ADPRHL1: variants seen among roughly 807,000 people sequenced by gnomAD.
The protein encoded by ADPRHL1 is ADP-ribosylhydrolase like 1.
Under a neutral mutation model 44.1 loss-of-function variants are expected in ADPRHL1, and 43 were observed. The observed-to-expected ratio is 0.98, with a 90% CI of 0.76 to 1.26. ADPRHL1 has a LOEUF of 1.26. ADPRHL1 is among the 50% of genes most tolerant of loss of function. The probability of loss-of-function intolerance (pLI) is 0.00; values close to 1 mark genes in which losing one functional copy is unlikely to be tolerated. For synonymous variants in ADPRHL1, 878 were observed against 1,017.4 expected (o/e 0.86, Z 2.61); for missense variants, 2,022 against 2,496.9 (o/e 0.81, Z 4.05).
At position 113,453,296 on chromosome 13, in the gene ADPRHL1, G is replaced by A. The variant is rs2044190206; in HGVS notation, c.142C>T (p.Leu48Phe). The part of the protein sequence containing the change: ...QRSGGLDHLV[L>F]SPGEWPVSDN... ...CTCACGGGCCATTCTCCTGGCGAGA[G>A]TACGAGGTGGTCCAGGCCCCCGGAA... The change falls in exon 1 of 8, where the codon CTC (leucine) becomes TTC (phenylalanine). Residue 48 changes from leucine to phenylalanine, a missense_variant. This residue lies in a region of ADPRHL1 where 437 missense variants were observed against 430.7 expected (regional missense o/e 1.01). Transcript: ENST00000612156. The surrounding 1 kb of genome is among the most constrained non-coding windows in gnomAD (Gnocchi z 5.4). 4 of 1,614,086 alleles carry A rather than the reference G, an allele frequency of 2.5e-6. No homozygotes were observed. The highest frequency in any genetic ancestry group is 3.4e-6 in the Non-Finnish European group (4 of 1,180,050).
At chr13:113,430,207 G>A (rs577215950) in intron 3 of ADPRHL1, among the ~76,000 whole-genome samples, 1 of 152,326 alleles carries the variant, frequency 6.6e-6, no homozygotes, top group African/African-American at 2.4e-5. Context: ...TCAGAGAGGA[G>A]CTCGGAAGAG....
chr13:113,445,214 G>A (rs2044128373), intron 1 of ADPRHL1, among the ~76,000 whole-genome samples: 1 of 152,248 alleles, frequency 6.6e-6, no homozygotes, highest in African/African-American at 2.4e-5. Context: ...CAGCACGCGG[G>A]AGGCCCAGAC....
chr13:113,404,181 G>A lies in ADPRHL1; in HGVS notation c.5101C>T (p.Arg1701Trp), dbSNP rs1399345250. The A allele has an allele frequency of 1.8e-4, 160 of 900,518 alleles. 14 individuals are homozygous for A. In the East Asian group the frequency reaches 3.5e-3, roughly 20 times the overall value. 55.8% of individuals were successfully genotyped at this position (900,518 alleles called of 1,614,324 possible). Residue 1701 changes from arginine to tryptophan, a missense_variant, in exon 8 of 8, where the codon CGG (arginine) becomes TGG (tryptophan). By Grantham distance (101) the Arg-to-Trp change is moderately radical. Around this residue, in one of 8 missense-constraint regions of ADPRHL1, gnomAD observed 24 missense variants for 80.7 expected, o/e 0.30. Coordinates refer to ENST00000612156, the MANE Select transcript of ADPRHL1 (RefSeq NM_001394807.1). Reference sequence around the variant, plus strand: ...TGAGCCCCTTTCTGGGCCTGTTCCCGAGCCCGTTCCTGAGCCCCTTTCTGG... The same window carrying A: ...TGAGCCCCTTTCTGGGCCTGTTCCCAAGCCCGTTCCTGAGCCCCTTTCTGG... ...QAQKGAQERA[R>W]EQAQKGAQER...
At chr13:113,416,159 T>G (rs2043886558) in intron 7 of ADPRHL1, among the ~76,000 whole-genome samples, 1 of 151,548 alleles carries the variant, frequency 6.6e-6, no homozygotes, top group Middle Eastern at 3.2e-3. Flanking sequence ...TCCCTGTTGA[T>G]TTTTTGTAAC....
intron 5 of ADPRHL1, among the ~76,000 whole-genome samples, chr13:113,424,802 ACCCACCCATGCACCCATCCATTCACCTG>A (rs2043954766): frequency 8.4e-5 from 1 of 11,952 alleles, no homozygotes; most frequent in Non-Finnish European, 1.5e-4. Flanking sequence ...ATACCCACCC[ACCCACCCATGCACCCATCCATTCACCTG>A]TCCACCCATC....
In ADPRHL1 at chr13:113,409,585, T is replaced by C. The variant is rs2043836193; in HGVS notation, c.1062-1365A>G. The C allele has an allele frequency of 2.0e-6, 2 of 985,218 alleles. No individual in the cohort carries two copies. Among genetic ancestry groups the C allele is most frequent in the African/African-American group, 1.7e-5 (1 of 57,204 alleles). 61.0% of individuals were successfully genotyped at this position (985,218 alleles called of 1,614,324 possible). A position where few individuals can be genotyped will look rare whatever the true frequency, so the allele number is the denominator to read the frequency against. ...AAGTGAAAAGCTCACTCTAACCCGA[T>C]TGTTTTTAAGAAGCTGAGGCCGGGC... On this transcript the variant is annotated intron_variant, in intron 7 of 7. Transcript: ENST00000612156. The surrounding 1 kb of genome is among the most constrained non-coding windows in gnomAD (Gnocchi z 4.2).
rs2043807268 is a variant in ADPRHL1 at position 113,406,196 on chromosome 13, G to T, written c.3086C>A (p.Ser1029Tyr). The T allele has an allele frequency of 4.9e-6, 6 of 1,232,070 alleles. No individual in the cohort carries two copies. Among genetic ancestry groups the T allele is most frequent in the Non-Finnish European group, 6.1e-6 (6 of 988,026 alleles). The allele number at this position is 1,232,070 out of a possible 1,614,324, so 76.3% of individuals were successfully genotyped here. A position where few individuals can be genotyped will look rare whatever the true frequency, so the allele number is the denominator to read the frequency against. ...TCCTGTTGGGTTTCTCCCAGTCGGG[G>T]ACGGCACTTGCTGGCTGCTGGAGGC... Reference protein sequence around the residue: ...SHASSSQQVPSPTGRNPTGAP... With the variant: ...SHASSSQQVPYPTGRNPTGAP... The change falls in exon 8 of 8, where the codon TCC becomes TAC. Residue 1029 changes from serine to tyrosine, a missense_variant. Ser to Tyr is a moderately radical substitution (Grantham distance 144, BLOSUM62 -2). Around this residue, in one of 8 missense-constraint regions of ADPRHL1, gnomAD observed 1,221 missense variants for 1,517.8 expected, o/e 0.80. Coordinates refer to ENST00000612156, the MANE Select transcript of ADPRHL1 (RefSeq NM_001394807.1).
chr13:113,410,773 C>A (rs112173972), intron 7 of ADPRHL1, among the ~76,000 whole-genome samples: 1 of 152,220 alleles, frequency 6.6e-6, no homozygotes, highest in Non-Finnish European at 1.5e-5. Flanking sequence ...AGGAGCAGGC[C>A]GACCTCGGGG....
chr13:113,434,551 C>A (rs1179636705), intron 2 of ADPRHL1, among the ~76,000 whole-genome samples: 1 of 147,262 alleles, frequency 6.8e-6, no homozygotes. Context: ...ACCCCGGGAC[C>A]CGGCACCCAG....
intron 2 of ADPRHL1, 69 bp downstream of exon 2, chr13:113,444,356 G>A: frequency 1.3e-6 from 2 of 1,556,272 alleles, no homozygotes; most frequent in Non-Finnish European, 1.7e-6. Context: ...GTTAGTGGAA[G>A]GCAGATGGTT....
intron 2 of ADPRHL1, among the ~76,000 whole-genome samples, chr13:113,438,327 G>A (rs974382422): frequency 6.6e-6 from 1 of 152,208 alleles, no homozygotes; most frequent in Non-Finnish European, 1.5e-5. Context: ...GGAAGATGGT[G>A]AGCATGATTT....
rs2043803919 is a variant in ADPRHL1, at chr13:113,405,785, G to C, written c.3497C>G (p.Pro1166Arg). The change falls in exon 8 of 8, where the codon CCT becomes CGT. Residue 1166 changes from proline to arginine, a missense_variant. By Grantham distance (103) the Pro-to-Arg change is moderately radical. Transcript: ENST00000612156. ...GAGGCCGTGGCTGTGAGGGTCTCGA[G>C]GGAGAGCCTCTCCTCTGGGGTGGCT... ...SESHPRGEAL[P>R]RDPHSHGLLA... is the part of the protein sequence containing the mutation. The C allele has an allele frequency of 8.1e-7, 1 of 1,231,696 alleles. No individual in the cohort carries two copies. Among genetic ancestry groups the C allele is most frequent in the Admixed American group, 4.2e-5 (1 of 23,710 alleles). The allele number at this position is 1,231,696 out of a possible 1,614,324, so 76.3% of individuals were successfully genotyped here.
intron 1 of ADPRHL1, chr13:113,449,300 A>C (rs2139654672): frequency 1.2e-6 from 1 of 815,492 alleles, no homozygotes; most frequent in Non-Finnish European, 1.5e-6. Context: ...ACACACCCGG[A>C]AGGAGTGAGC....
At position 113,424,146 on chromosome 13, in the gene ADPRHL1, C is replaced by A. The variant is rs544694553; in HGVS notation, c.907+71G>T. The A allele has an allele frequency of 2.8e-5, 45 of 1,581,986 alleles. No individual in the cohort carries two copies. In the East Asian group the frequency reaches 7.6e-4, roughly 27 times the overall value. On this transcript the variant is annotated intron_variant, in intron 6 of 7. Transcript: ENST00000612156. ...CCCCTGAATGCCTGCAGTCCTAGGA[C>A]ACTCCGAGGGGGTGCTTCAGAAGAA...
chr13:113,405,338 G>A lies in ADPRHL1; in HGVS notation c.3944C>T (p.Pro1315Leu). Residue 1315 changes from proline to leucine, a missense_variant, in exon 8 of 8, where the codon CCC becomes CTC. By Grantham distance (98) the Pro-to-Leu change is moderately conservative. Around this residue, in one of 8 missense-constraint regions of ADPRHL1, gnomAD observed 1,221 missense variants for 1,517.8 expected, o/e 0.80. Transcript: ENST00000612156. ...GTCCACCTCCGCGGGAGGCACTGCGGGAAGCAGATGGTCAGGCTCCGCCCC... is the reference window on the plus strand; with the variant it reads ...GTCCACCTCCGCGGGAGGCACTGCGAGAAGCAGATGGTCAGGCTCCGCCCC... ...PRGAEPDHLLPAVPPAEVDMG... is the reference protein window; with the variant it reads ...PRGAEPDHLLLAVPPAEVDMG... The A allele has an allele frequency of 8.1e-7, 1 of 1,231,822 alleles. No homozygotes were observed. Among genetic ancestry groups the A allele is most frequent in the Non-Finnish European group, 1.0e-6 (1 of 988,056 alleles). 76.3% of individuals were successfully genotyped at this position (1,231,822 alleles called of 1,614,324 possible). A position where few individuals can be genotyped will look rare whatever the true frequency, so the allele number is the denominator to read the frequency against.
intron 1 of ADPRHL1, among the ~76,000 whole-genome samples, chr13:113,451,028 C>T (rs992646062): frequency 1.5e-4 from 23 of 151,936 alleles, no homozygotes; most frequent in Non-Finnish European, 2.4e-4. Flanking sequence ...GACCACGATC[C>T]GCCTGGTAAC....
At position 113,403,832 on chromosome 13, in the gene ADPRHL1, G is replaced by A. The variant is rs2043782254; in HGVS notation, c.5450C>T (p.Ala1817Val). ...TATGCCACTAATGGGCTGCTCCCAG[G>A]CCCGAGGCGCCATCCCACTTGTCAA... Reference protein sequence around the residue: ...QALTSGMAPRAWEQPISGIAE... With the variant: ...QALTSGMAPRVWEQPISGIAE... The change falls in exon 8 of 8, where the codon GCC becomes GTC. Residue 1817 changes from alanine (A) to valine (V), a missense_variant. Ala to Val is a moderately conservative substitution (Grantham distance 64, BLOSUM62 0). This residue lies in a region of ADPRHL1 where 205 missense variants were observed against 250.1 expected (regional missense o/e 0.82). Transcript: ENST00000612156. 1 of 1,172,476 alleles carries A rather than the reference G, an allele frequency of 8.5e-7. No homozygotes were observed. The highest frequency in any genetic ancestry group is 4.9e-5 in the Admixed American group (1 of 20,384). 72.6% of individuals were successfully genotyped at this position (1,172,476 alleles called of 1,614,324 possible).
chr13:113,406,886 G>T lies in ADPRHL1; in HGVS notation c.2396C>A (p.Pro799Gln). Residue 799 changes from proline (P) to glutamine (Q), a missense_variant, in exon 8 of 8, where the codon CCA becomes CAA. This residue lies in a region of ADPRHL1 where 1,221 missense variants were observed against 1,517.8 expected (regional missense o/e 0.80). Coordinates refer to ENST00000612156, the MANE Select transcript of ADPRHL1 (RefSeq NM_001394807.1). ...GGTGGCAAAGAGGGGGTCTCTCCCT[G>T]GGTCTGGGAAGCCTGCTCCTTCCCT... ...DEREGAGFPD[P>Q]GRDPLFATQK... 8.9e-6 allele frequency: 11 copies of T among 1,232,312 alleles called. No individual in the cohort carries two copies. Among genetic ancestry groups the T allele is most frequent in the Non-Finnish European group, 1.1e-5 (11 of 988,208 alleles). 76.3% of individuals were successfully genotyped at this position (1,232,312 alleles called of 1,614,324 possible). A position where few individuals can be genotyped will look rare whatever the true frequency, so the allele number is the denominator to read the frequency against.
At chr13:113,433,036 G>A (rs555110987) in intron 3 of ADPRHL1, among the ~76,000 whole-genome samples, 2 of 152,332 alleles carry the variant, frequency 1.3e-5, no homozygotes, top group East Asian at 1.9e-4. Flanking sequence ...AAATCCCAGT[G>A]AGCAGCTGGC....
Sources: gnomAD v4.1 joint callset for allele counts (sites outside exome capture counted in the v4.1 genomes callset) on GRCh38, gnomAD v4.1.1 for gene constraint, gnomAD v4.1.1 regional missense constraint, Gnocchi (gnomAD v3.1) non-coding constraint, MANE v1.5 for transcripts, NCBI Gene and HGNC (gene_info 2026-07-23, HGNC 2026-07-21) for gene names.